The following DOK6 variants were observed in gnomAD, a reference collection of about 807,000 sequenced individuals.
DOK6 encodes docking protein 6.
Under a neutral mutation model 44.0 loss-of-function variants are expected in DOK6, and 22 were observed. That is an observed-to-expected ratio of 0.50 (90% CI 0.36 to 0.71). DOK6 has a LOEUF of 0.71. DOK6 is among the 30% of genes least tolerant of loss of function. DOK6 has a pLI of 0.00. For synonymous variants in DOK6, 166 were observed against 145.5 expected (o/e 1.14, Z -1.01); for missense variants, 340 against 416.4 (o/e 0.82, Z 1.60).
At chr18:69,774,135 T>G (rs891019616) in intron 7 of DOK6, among the ~76,000 whole-genome samples, 9 of 114,932 alleles carry the variant, frequency 7.8e-5, no homozygotes, top group Admixed American at 7.2e-4. Context: ...ATATATGAGA[T>G]ATATATATAT....
At chr18:69,808,084 T>A (rs530852812) in intron 7 of DOK6, among the ~76,000 whole-genome samples, 89 of 152,034 alleles carry the variant, frequency 5.9e-4, no homozygotes, top group African/African-American at 2.1e-3. Context: ...ACTGAAATCC[T>A]GTCAAGTCTC....
intron 3 of DOK6, among the ~76,000 whole-genome samples, chr18:69,631,840 C>T (rs942187390): frequency 6.6e-6 from 1 of 152,200 alleles, no homozygotes; most frequent in Admixed American, 6.5e-5. Context: ...ATTTCACAAA[C>T]CTGTTTCCTG....
At chr18:69,791,582 C>A (rs1016983031) in intron 7 of DOK6, among the ~76,000 whole-genome samples, 11 of 152,116 alleles carry the variant, frequency 7.2e-5, no homozygotes, top group African/African-American at 2.7e-4. Context: ...GGATCTTTTG[C>A]CCATTTTAAA....
intron 3 of DOK6, among the ~76,000 whole-genome samples, chr18:69,614,551 TG>T (rs2144633673): frequency 6.8e-6 from 1 of 146,424 alleles, no homozygotes; most frequent in African/African-American, 2.7e-5. Flanking sequence ...TCTTTGTGTG[TG>T]TGTGTGTGTG....
chr18:69,829,747 C>A (rs1002278902), intron 7 of DOK6, among the ~76,000 whole-genome samples: 1 of 150,100 alleles, frequency 6.7e-6, no homozygotes, highest in Non-Finnish European at 1.5e-5. Context: ...GATTTGACCA[C>A]GAGAAATGAA....
intron 5 of DOK6, among the ~76,000 whole-genome samples, chr18:69,709,559 A>T (rs1415245777): frequency 6.6e-6 from 1 of 152,092 alleles, no homozygotes; most frequent in African/African-American, 2.4e-5. Context: ...GTGTTAAATA[A>T]ATTCTAGACA....
intron 1 of DOK6, among the ~76,000 whole-genome samples, chr18:69,535,490 A>C (rs1035047494): frequency 6.6e-6 from 1 of 151,908 alleles, no homozygotes; most frequent in African/African-American, 2.4e-5. Flanking sequence ...GGGTGTTTTA[A>C]AAAACCTTTT....
intron 7 of DOK6, among the ~76,000 whole-genome samples, chr18:69,788,370 G>C (rs542138953): frequency 6.6e-6 from 1 of 152,234 alleles, no homozygotes; most frequent in African/African-American, 2.4e-5. Flanking sequence ...CAAACACGGA[G>C]GGATGACTAA....
chr18:69,512,580 T>C (rs1263608705), intron 1 of DOK6, among the ~76,000 whole-genome samples: 1 of 152,022 alleles, frequency 6.6e-6, no homozygotes, highest in Non-Finnish European at 1.5e-5. Flanking sequence ...CTAACCTCAG[T>C]TGATTCGTCC....
chr18:69,679,811 T>C (rs1986005049), intron 4 of DOK6, among the ~76,000 whole-genome samples: 1 of 152,172 alleles, frequency 6.6e-6, no homozygotes, highest in Non-Finnish European at 1.5e-5. Context: ...TATTTCTAAT[T>C]TGATAATAAG....
intron 5 of DOK6, among the ~76,000 whole-genome samples, chr18:69,722,849 A>G (rs1012261740): frequency 6.6e-5 from 10 of 152,240 alleles, no homozygotes; most frequent in Non-Finnish European, 1.2e-4. Context: ...GCATTCCTTT[A>G]GCTACTAGTA....
At chr18:69,612,046 T>C (rs1164204339) in intron 3 of DOK6, among the ~76,000 whole-genome samples, 1 of 152,188 alleles carries the variant, frequency 6.6e-6, no homozygotes, top group Middle Eastern at 3.2e-3. Flanking sequence ...ATTATACTGC[T>C]CTTTTGCAAA....
At chr18:69,609,547 A>G (rs1355315600) in intron 3 of DOK6, among the ~76,000 whole-genome samples, 2 of 151,468 alleles carry the variant, frequency 1.3e-5, no homozygotes, top group Non-Finnish European at 2.9e-5. Flanking sequence ...AGATGTGGAG[A>G]AATTGGAACC....
At position 69,548,142 on chromosome 18, in the gene DOK6, A is replaced by G. The variant is rs985545741; in HGVS notation, c.67-16345A>G. On this transcript the variant is annotated intron_variant, in intron 1 of 7. Transcript: ENST00000382713. Reference sequence around the variant, plus strand: ...CTAATTTTTTGTATTTTTAGTAGAGACGGGGTTTCACGGTGTTAGCCAGGA... The same window carrying G: ...CTAATTTTTTGTATTTTTAGTAGAGGCGGGGTTTCACGGTGTTAGCCAGGA... 3.3e-5 allele frequency among the ~76,000 whole-genome samples: 5 copies of G among 150,486 alleles called. No homozygotes were observed. The East Asian group carries it at 9.7e-4, about 29-fold the overall frequency.
intron 7 of DOK6, among the ~76,000 whole-genome samples, chr18:69,808,564 C>T (rs577076749): frequency 4.6e-5 from 7 of 151,806 alleles, no homozygotes; most frequent in South Asian, 2.1e-4. Flanking sequence ...AGAGAAGAGA[C>T]TCAAGTAAAT....
intron 5 of DOK6, among the ~76,000 whole-genome samples, chr18:69,725,438 A>T (rs11878016): frequency 0.16 from 23,774 of 152,198 alleles, 1,934 homozygotes; most frequent in Middle Eastern, 0.24. Context: ...TTGAAACTTA[A>T]ATATGCAGAA....
At chr18:69,515,429 C>T (rs17081109) in intron 1 of DOK6, among the ~76,000 whole-genome samples, 3 of 151,958 alleles carry the variant, frequency 2.0e-5, no homozygotes, top group African/African-American at 4.8e-5. Flanking sequence ...ACTGTTGCTT[C>T]GTCGGTCATC....
At chr18:69,523,435 T>G (rs1981742337) in intron 1 of DOK6, among the ~76,000 whole-genome samples, 1 of 152,062 alleles carries the variant, frequency 6.6e-6, no homozygotes, top group Admixed American at 6.6e-5. Flanking sequence ...CTATAACATA[T>G]ACTTCAGATT....
intron 5 of DOK6, among the ~76,000 whole-genome samples, chr18:69,733,344 A>G (rs1978481870): frequency 6.6e-6 from 1 of 152,222 alleles, no homozygotes; most frequent in Non-Finnish European, 1.5e-5. Context: ...GGTTTTGTAC[A>G]TTCTTCCAGA....
Sources: gnomAD v4.1 joint callset for allele counts (sites outside exome capture counted in the v4.1 genomes callset) on GRCh38, gnomAD v4.1.1 for gene constraint, MANE v1.5 for transcripts, NCBI Gene and HGNC (gene_info 2026-07-23, HGNC 2026-07-21) for gene names.